CHRM3: variants seen among roughly 807,000 people sequenced by gnomAD.
CHRM3 encodes muscarinic acetylcholine receptor M3.
A neutral mutation model predicts 41.8 loss-of-function variants in CHRM3; 11 were observed. The ratio of observed to expected loss-of-function variants is 0.26; its 90% CI spans 0.17 to 0.44. The LOEUF (loss-of-function observed/expected upper bound fraction) is 0.44. Ranked by LOEUF, CHRM3 falls within the 20% of genes least tolerant of loss-of-function variation. The pLI is 1.00. For missense variants in CHRM3, 571 were observed against 745.4 expected, an observed-to-expected ratio of 0.77 and a Z score of 2.72; for synonymous variants, 297 against 301.4, an observed-to-expected ratio of 0.99 and a Z score of 0.15.
intron 1 of CHRM3, among the ~76,000 whole-genome samples, chr1:239,432,250 T>C (rs1460173658): frequency 1.3e-5 from 2 of 152,140 alleles, no homozygotes; most frequent in African/African-American, 4.8e-5. Flanking sequence ...ACATAGTCAT[T>C]TTATAAACAT....
chr1:239,700,512 C>T (rs936612577), intron 5 of CHRM3, among the ~76,000 whole-genome samples: 9 of 152,150 alleles, frequency 5.9e-5, no homozygotes, highest in African/African-American at 2.2e-4. Context: ...AATCTAATTC[C>T]ACTTTCACTT....
At chr1:239,801,400 A>G (rs1174877172) in intron 5 of CHRM3, among the ~76,000 whole-genome samples, 1 of 152,204 alleles carries the variant, frequency 6.6e-6, no homozygotes, top group Non-Finnish European at 1.5e-5. Context: ...TGTTTTCCAT[A>G]AAGTAGCTGA....
At chr1:239,818,230 A>G (rs1440904852) in intron 5 of CHRM3, among the ~76,000 whole-genome samples, 2 of 152,106 alleles carry the variant, frequency 1.3e-5, no homozygotes. Flanking sequence ...ACTCTGATTT[A>G]CCTTCCTTCT....
chr1:239,770,164 A>T (rs191314424), intron 5 of CHRM3, among the ~76,000 whole-genome samples: 17 of 152,132 alleles, frequency 1.1e-4, no homozygotes, highest in African/African-American at 3.1e-4. Context: ...TGGTATTTTC[A>T]GATTTATTAG....
intron 3 of CHRM3, among the ~76,000 whole-genome samples, chr1:239,579,131 G>T (rs1662638151): frequency 6.6e-6 from 1 of 152,188 alleles, no homozygotes; most frequent in African/African-American, 2.4e-5. Context: ...TGAAGTGAGT[G>T]AATGAAAGAT....
rs922807895 is a variant in CHRM3 at position 239,607,364 on chromosome 1, T to TA, written c.-312-24852dup. Among the ~76,000 whole-genome samples the TA allele has an allele frequency of 9.2e-5, 14 of 152,048 alleles. No individual in the cohort carries two copies. The East Asian group carries it at 9.7e-4, about 10-fold the overall frequency. ...AAAAAATGTTATTCTTTTTTAATGT[T>TA]AAAAAAAAGAGTTGTCAAATTCCCT... On this transcript the variant is annotated intron_variant, in intron 3 of 6. Transcript: ENST00000676153.
intron 5 of CHRM3, among the ~76,000 whole-genome samples, chr1:239,741,694 T>A (rs980190164): frequency 6.6e-6 from 1 of 152,154 alleles, no homozygotes; most frequent in Non-Finnish European, 1.5e-5. Flanking sequence ...TTTGTTTTTT[T>A]TATAACATGC....
intron 1 of CHRM3, among the ~76,000 whole-genome samples, chr1:239,446,889 A>G (rs1030513330): frequency 3.3e-5 from 5 of 152,194 alleles, no homozygotes; most frequent in Non-Finnish European, 7.4e-5. Flanking sequence ...TTTGTTTAGG[A>G]GCATGGAAAT....
rs191510214 is a variant in CHRM3, at chr1:239,695,256, C to T, written c.-147+16968C>T. ...CTGTCTCCTGACCTCGTGATCCACC[C>T]GCCTCCGCCTCCCAAAGTGCTGGGA... is the stretch of plus-strand genomic sequence containing the variant. On this transcript the variant is annotated intron_variant, in intron 5 of 6. Coordinates refer to ENST00000676153, the MANE Select transcript of CHRM3 (RefSeq NM_001375978.1). Among the ~76,000 whole-genome samples, 14 of 152,144 alleles carry T rather than the reference C, an allele frequency of 9.2e-5. 1 individual carries two copies. The South Asian group carries it at 1.2e-3, about 14-fold the overall frequency.
chr1:239,812,674 A>G (rs1671207594), intron 5 of CHRM3, among the ~76,000 whole-genome samples: 1 of 152,242 alleles, frequency 6.6e-6, no homozygotes, highest in African/African-American at 2.4e-5. Context: ...TAATGAGCAA[A>G]CTATCCATTT....
intron 2 of CHRM3, among the ~76,000 whole-genome samples, chr1:239,502,561 G>A (rs1668306897): frequency 6.6e-6 from 1 of 152,118 alleles, no homozygotes; most frequent in Admixed American, 6.5e-5. Context: ...AGAGAAAGAA[G>A]GAACCCTCGC....
intron 2 of CHRM3, among the ~76,000 whole-genome samples, chr1:239,504,397 C>A (rs1196320616): frequency 6.6e-6 from 1 of 151,926 alleles, no homozygotes; most frequent in Admixed American, 6.6e-5. Context: ...TGGCCATAAT[C>A]AAAAAATCAA....
chr1:239,516,337 G>A (rs572700397), intron 2 of CHRM3, among the ~76,000 whole-genome samples: 2 of 152,052 alleles, frequency 1.3e-5, no homozygotes, highest in African/African-American at 2.4e-5. Context: ...CTGACCTTCC[G>A]CTTCTCTGTA....
At chr1:239,517,470 G>A (rs973802037) in intron 2 of CHRM3, among the ~76,000 whole-genome samples, 1 of 152,116 alleles carries the variant, frequency 6.6e-6, no homozygotes, top group African/African-American at 2.4e-5. Context: ...CCATTCCTAT[G>A]TTTTTCATTT....
intron 3 of CHRM3, among the ~76,000 whole-genome samples, chr1:239,618,280 T>TC (rs1463358345): frequency 6.5e-4 from 90 of 138,846 alleles, no homozygotes; most frequent in African/African-American, 1.2e-3. Context: ...TTTCTTTCTT[T>TC]TTTTTTTTTT....
At chr1:239,858,831 T>C (rs985500137) in intron 6 of CHRM3, among the ~76,000 whole-genome samples, 2 of 152,224 alleles carry the variant, frequency 1.3e-5, no homozygotes, top group Admixed American at 1.3e-4. Context: ...ATATAGTGGA[T>C]ATTTTATATA....
intron 3 of CHRM3, among the ~76,000 whole-genome samples, chr1:239,548,423 C>T (rs1294989922): frequency 2.0e-5 from 3 of 152,246 alleles, no homozygotes; most frequent in Non-Finnish European, 4.4e-5. Context: ...TCTCTGTATG[C>T]AGAAAGTCTT....
At chr1:239,817,936 A>G (rs1671731249) in intron 5 of CHRM3, among the ~76,000 whole-genome samples, 1 of 152,188 alleles carries the variant, frequency 6.6e-6, no homozygotes, top group South Asian at 2.1e-4. Context: ...AAATGGCGAT[A>G]ATAAAGCCTG....
intron 3 of CHRM3, among the ~76,000 whole-genome samples, chr1:239,558,126 C>T (rs2148476457): frequency 6.6e-6 from 1 of 152,346 alleles, no homozygotes; most frequent in African/African-American, 2.4e-5. Context: ...TCCTATTTCT[C>T]TGCAACCTCA....
Sources: allele counts gnomAD v4.1 joint callset (sites outside exome capture counted in the v4.1 genomes callset), GRCh38; gene constraint gnomAD v4.1.1; transcripts MANE v1.5; gene names NCBI Gene and HGNC (gene_info 2026-07-23, HGNC 2026-07-21).